DARS2: variants seen among roughly 807,000 people sequenced by gnomAD.
The protein encoded by DARS2 is aspartate--tRNA ligase, mitochondrial.
A neutral mutation model predicts 83.0 loss-of-function variants in DARS2; 63 were observed. The ratio of observed to expected loss-of-function variants is 0.76; its 90% confidence interval spans 0.62 to 0.94. DARS2 has a LOEUF of 0.94. DARS2 is among the 40% of genes least tolerant of loss of function. The pLI, the probability that DARS2 is intolerant of heterozygous loss-of-function variation, is 0.00. For synonymous variants in DARS2, 250 were observed against 269.3 expected (o/e 0.93, Z 0.70); for missense variants, 675 against 774.4 (o/e 0.87, Z 1.52).
chr1:173,849,402 C>T (rs1028327519), intron 12 of DARS2, among the ~76,000 whole-genome samples: 24 of 151,832 alleles, frequency 1.6e-4, no homozygotes, highest in African/African-American at 5.6e-4. Flanking sequence ...GGCATGTTGA[C>T]ACACATCTGT....
rs1178547914 is a variant in DARS2, at chr1:173,842,284, C to CTTTTTTTTTTTTTTTT, written c.1128+1329_1128+1344dup. Among the ~76,000 whole-genome samples the CTTTTTTTTTTTTTTTT allele has an allele frequency of 7.5e-4, 48 of 64,254 alleles. 9 individuals are homozygous for CTTTTTTTTTTTTTTTT. The highest frequency in any genetic ancestry group is 1.3e-3 in the South Asian group (2 of 1,554). 42.2% of individuals were successfully genotyped at this position (64,254 alleles called of 152,430 possible). On this transcript the variant is annotated intron_variant, in intron 11 of 16. Coordinates refer to ENST00000649689, the MANE Select transcript of DARS2 (RefSeq NM_018122.5). The stretch of plus-strand genomic sequence containing the variant: ...CTCAGGAACTCAGTCTCATTACTTT[C>CTTTTTTTTTTTTTTTT]TTTTTTTTTTTTTTTTTTTTTTTTT...
intron 11 of DARS2, among the ~76,000 whole-genome samples, chr1:173,842,659 G>A (rs961016879): frequency 1.3e-5 from 2 of 150,336 alleles, no homozygotes; most frequent in Non-Finnish European, 3.0e-5. Flanking sequence ...ATTGTCATGC[G>A]GGGCACGGTA....
intron 16 of DARS2, 41 bp from the exon 17 acceptor site, chr1:173,857,477 G>A (rs1161172156): frequency 1.3e-6 from 2 of 1,581,642 alleles, no homozygotes; most frequent in Admixed American, 3.3e-5. Flanking sequence ...TCCAACATTA[G>A]ATTACATTTC....
intron 7 of DARS2, among the ~76,000 whole-genome samples, chr1:173,835,334 A>ACC (rs1008072093): frequency 6.9e-6 from 1 of 144,200 alleles, no homozygotes; most frequent in Non-Finnish European, 1.5e-5. Context: ...CAGGTGATCC[A>ACC]CCCGCCTCAG....
At chr1:173,850,110 C>A (rs1053310396) in intron 12 of DARS2, among the ~76,000 whole-genome samples, 2 of 151,766 alleles carry the variant, frequency 1.3e-5, no homozygotes, top group Non-Finnish European at 2.9e-5. Flanking sequence ...CCTCAGCCTC[C>A]CAAAGTGCTG....
At chr1:173,844,210 A>G (rs1429138474) in intron 11 of DARS2, among the ~76,000 whole-genome samples, 1 of 152,234 alleles carries the variant, frequency 6.6e-6, no homozygotes, top group Non-Finnish European at 1.5e-5. Context: ...CACTGAGATA[A>G]TTTCAAAAGA....
chr1:173,834,365 A>T (rs1652900381), intron 6 of DARS2, 108 bp from the exon 7 acceptor site: 2 of 858,976 alleles, frequency 2.3e-6, no homozygotes, highest in East Asian at 2.5e-5. Context: ...TTCAGCTAAA[A>T]TTCTTAATTA....
rs754887240 is a variant in DARS2 at position 173,838,175 on chromosome 1, A to G, written c.771-15A>G. 4 of 1,599,080 alleles carry G rather than the reference A, an allele frequency of 2.5e-6. No homozygotes were observed. The highest frequency in any genetic ancestry group is 1.3e-5 in the African/African-American group (1 of 74,764). On this transcript the variant is annotated splice_polypyrimidine_tract_variant and intron_variant, in intron 8 of 16. Transcript: ENST00000649689. ...CTAGAATCATAACTCAATTAATGCT[A>G]TTTCTCAATTGTAGATATTTTCAGG...
chr1:173,837,123 T>C lies in DARS2; in HGVS notation c.770+77T>C, dbSNP rs1005611259. ...AGGGAAAAAAGGAAACACAAAATCC[T>C]CTCTGTTCTCAAGAGAAGGATAGAA... On this transcript the variant is annotated intron_variant, in intron 8 of 16. Transcript: ENST00000649689. 47 of 1,291,380 alleles carry C rather than the reference T, an allele frequency of 3.6e-5. No individual in the cohort carries two copies. The African/African-American group carries it at 6.1e-4, about 17-fold the overall frequency. The allele number at this position is 1,291,380 out of a possible 1,614,324, so 80.0% of individuals were successfully genotyped here.
rs563955620 is a variant in DARS2, at chr1:173,840,942, C to T, written c.1097C>T (p.Thr366Ile). The T allele has an allele frequency of 1.2e-6, 2 of 1,610,770 alleles. No homozygotes were observed. The highest frequency in any genetic ancestry group is 1.7e-6 in the Non-Finnish European group (2 of 1,177,088). ...LQDALSKPHGTVKAICIPEGA... is the reference protein window; with the variant it reads ...LQDALSKPHGIVKAICIPEGA... ...GATGCACTTAGTAAGCCCCATGGAACTGTGAAAGCCATATGTATCCCTGAA... is the reference window on the plus strand; with the variant it reads ...GATGCACTTAGTAAGCCCCATGGAATTGTGAAAGCCATATGTATCCCTGAA... The change falls in exon 11 of 17, where the codon ACT becomes ATT. Residue 366 changes from threonine (T) to isoleucine (I), a missense_variant. Coordinates refer to ENST00000649689, the MANE Select transcript of DARS2 (RefSeq NM_018122.5).
At chr1:173,829,076 A>C (rs1396396627) in intron 3 of DARS2, among the ~76,000 whole-genome samples, 1 of 152,210 alleles carries the variant, frequency 6.6e-6, no homozygotes, top group Non-Finnish European at 1.5e-5. Flanking sequence ...GGAAAAAAAA[A>C]TCCAAGGAAT....
At chr1:173,841,039 G>A in intron 11 of DARS2, 66 bp downstream of exon 11, 1 of 986,960 alleles carries the variant, frequency 1.0e-6, no homozygotes, top group Non-Finnish European at 1.6e-6. Flanking sequence ...GTCCAATACT[G>A]TCATATTTAA....
intron 13 of DARS2, chr1:173,852,297 C>G (rs1342345720): frequency 1.0e-6 from 1 of 963,752 alleles, no homozygotes; most frequent in East Asian, 1.1e-4. Context: ...ATTTGCCAAG[C>G]CCGTTCTAAG....
Position 173,853,340 on chromosome 1 carries a change from T to G in DARS2, c.1345-9T>G. On this transcript the variant is annotated splice_polypyrimidine_tract_variant and intron_variant, in intron 13 of 16. Transcript: ENST00000649689. The stretch of plus-strand genomic sequence containing the variant: ...AAGTTAACTCAATGTTTACGTCTTC[T>G]GTTTGCAGTGCTCTTTGTTAGGAAA... 1 of 1,612,872 alleles carries G rather than the reference T, an allele frequency of 6.2e-7. No individual in the cohort carries two copies. The highest frequency in any genetic ancestry group is 8.5e-7 in the Non-Finnish European group (1 of 1,179,624).
chr1:173,839,340 A>C (rs1425164700), intron 9 of DARS2, 27 bp from the exon 10 acceptor site: 14 of 1,609,092 alleles, frequency 8.7e-6, no homozygotes, highest in Non-Finnish European at 1.2e-5. Context: ...TGGCTAAATT[A>C]GTTTCCATAT....
chr1:173,829,892 A>G (rs1257680617), intron 3 of DARS2, among the ~76,000 whole-genome samples: 1 of 151,960 alleles, frequency 6.6e-6, no homozygotes, highest in East Asian at 1.9e-4. Context: ...TAGGCAACAG[A>G]GCAAGACTCT....
At chr1:173,841,482 G>C (rs764566577) in intron 11 of DARS2, among the ~76,000 whole-genome samples, 15 of 152,014 alleles carry the variant, frequency 9.9e-5, no homozygotes, top group African/African-American at 3.6e-4. Context: ...TCCAGATCCG[G>C]GGTGTTTTTC....
chr1:173,827,491 C>T (rs948979243), intron 2 of DARS2, among the ~76,000 whole-genome samples: 3 of 152,040 alleles, frequency 2.0e-5, no homozygotes, highest in Non-Finnish European at 4.4e-5. Context: ...GTTCGCCAGG[C>T]GGGGTGATGC....
chr1:173,834,769 G>GTTTT (rs1652934200), intron 7 of DARS2, among the ~76,000 whole-genome samples: 6 of 50,946 alleles, frequency 1.2e-4, no homozygotes, highest in African/African-American at 6.6e-4. Context: ...GTTTGTTTTG[G>GTTTT]GTTTTTTTTT....
Sources: allele counts gnomAD v4.1 joint callset (sites outside exome capture counted in the v4.1 genomes callset), GRCh38; gene constraint gnomAD v4.1.1; transcripts MANE v1.5; gene names NCBI Gene and HGNC (gene_info 2026-07-23, HGNC 2026-07-21).